Variants in CTNNA3 observed in about 807,000 individuals in gnomAD.
CTNNA3 encodes the protein catenin alpha-3.
CTNNA3 carries 76 observed loss-of-function variants against 95.7 expected under a neutral mutation model. That is an observed-to-expected ratio of 0.79 (90% CI 0.66 to 0.96). The LOEUF is 0.96. Ranked by LOEUF, CTNNA3 falls within the 40% of genes least tolerant of loss-of-function variation. CTNNA3 has a pLI of 0.00. For synonymous variants in CTNNA3, 431 were observed against 374.4 expected (o/e 1.15, Z -1.74); for missense variants, 1,191 against 1,089.8 (o/e 1.09, Z -1.31).
chr10:66,931,930 T>C (rs553769086), intron 7 of CTNNA3, among the ~76,000 whole-genome samples: 16 of 152,322 alleles, frequency 1.1e-4, no homozygotes, highest in Admixed American at 2.6e-4. Context: ...GCAAGATACA[T>C]GTAATTTAGG....
At chr10:66,521,720 CTG>C (rs1339094906) in intron 10 of CTNNA3, among the ~76,000 whole-genome samples, 1 of 152,156 alleles carries the variant, frequency 6.6e-6, no homozygotes, top group African/African-American at 2.4e-5. Flanking sequence ...TATCAAAAAA[CTG>C]TTGCCATAAC....
Position 66,368,418 on chromosome 10 carries a change from T to G in CTNNA3, c.1732+10734A>C, listed in dbSNP as rs183312042. ...GCTTTCTATCTTCTGGATCTTTTTT[T>G]TTTCCCTGTGATAATCCTACACCCA... On this transcript the variant is annotated intron_variant, in intron 12 of 17. Transcript: ENST00000433211. Among the ~76,000 whole-genome samples the G allele has an allele frequency of 2.0e-5, 3 of 152,106 alleles. No homozygotes were observed. The East Asian group carries it at 5.8e-4, about 30-fold the overall frequency.
At chr10:65,949,887 C>T (rs1479419283) in intron 17 of CTNNA3, among the ~76,000 whole-genome samples, 3 of 151,966 alleles carry the variant, frequency 2.0e-5, no homozygotes, top group African/African-American at 4.8e-5. Context: ...AATGGGCAAC[C>T]AGGTAAAGGG....
intron 7 of CTNNA3, among the ~76,000 whole-genome samples, chr10:67,058,092 G>A (rs576631233): frequency 1.4e-4 from 21 of 152,078 alleles, no homozygotes; most frequent in Non-Finnish European, 2.8e-4. Flanking sequence ...CTTGCATGCT[G>A]GTGTCTCTTC....
At chr10:67,317,964 T>C (rs1235780285) in intron 5 of CTNNA3, among the ~76,000 whole-genome samples, 2 of 151,928 alleles carry the variant, frequency 1.3e-5, no homozygotes, top group East Asian at 3.9e-4. Context: ...TGTTTGCATA[T>C]AATCATAATG....
intron 9 of CTNNA3, among the ~76,000 whole-genome samples, chr10:66,755,714 T>C (rs1839338235): frequency 6.6e-6 from 1 of 152,156 alleles, no homozygotes; most frequent in Non-Finnish European, 1.5e-5. Flanking sequence ...TAGAAATCTA[T>C]ACTCATTCCT....
At chr10:66,708,414 CA>C (rs1848187765) in intron 9 of CTNNA3, among the ~76,000 whole-genome samples, 1 of 152,006 alleles carries the variant, frequency 6.6e-6, no homozygotes, top group African/African-American at 2.4e-5. Context: ...TGAACTAACA[CA>C]CATTCCTGGA....
intron 12 of CTNNA3, among the ~76,000 whole-genome samples, chr10:66,287,320 C>G (rs190922275): frequency 6.6e-6 from 1 of 152,048 alleles, no homozygotes; most frequent in Non-Finnish European, 1.5e-5. Flanking sequence ...TTGTAAAGCT[C>G]CTATGTCTCT....
intron 17 of CTNNA3, among the ~76,000 whole-genome samples, chr10:65,949,512 G>A (rs1424120996): frequency 2.6e-5 from 4 of 152,134 alleles, no homozygotes; most frequent in Non-Finnish European, 5.9e-5. Context: ...CCCACAAAGA[G>A]AGCCTGAGAG....
chr10:66,541,047 C>T (rs1028304590), intron 10 of CTNNA3, among the ~76,000 whole-genome samples: 7 of 151,834 alleles, frequency 4.6e-5, no homozygotes, highest in Admixed American at 1.3e-4. Flanking sequence ...GTTTTTTTCT[C>T]TCAAAAAGAA....
intron 5 of CTNNA3, among the ~76,000 whole-genome samples, chr10:67,444,994 A>C (rs1473021971): frequency 1.3e-5 from 2 of 152,084 alleles, no homozygotes; most frequent in Non-Finnish European, 2.9e-5. Context: ...ACTACAATAT[A>C]GTTTATGAAG....
chr10:67,420,005 C>T (rs978354556), intron 5 of CTNNA3, among the ~76,000 whole-genome samples: 1 of 152,188 alleles, frequency 6.6e-6, no homozygotes, highest in African/African-American at 2.4e-5. Flanking sequence ...GTGCCCACCA[C>T]CATGCCCAGC....
chr10:66,714,342 T>G (rs575048936), intron 9 of CTNNA3, among the ~76,000 whole-genome samples: 3 of 152,192 alleles, frequency 2.0e-5, no homozygotes, highest in Non-Finnish European at 4.4e-5. Context: ...TTTCTCTCTT[T>G]CTCTAGATTA....
intron 9 of CTNNA3, among the ~76,000 whole-genome samples, chr10:66,741,529 G>T (rs4604771): frequency 0.61 from 92,830 of 151,886 alleles, 28,858 homozygotes; most frequent in East Asian, 0.94. Flanking sequence ...TTTTCAGAGC[G>T]GAAGAGACCT....
rs114857926 is a variant in CTNNA3, at chr10:66,644,896, C to A, written c.1282-23112G>T. ...TGCCTTTTTATAACTATATCCATCT[C>A]CCTCCTTCAAAATCCCACATCCTCC... On this transcript the variant is annotated intron_variant, in intron 9 of 17. Coordinates refer to ENST00000433211, the MANE Select transcript of CTNNA3 (RefSeq NM_013266.4). 6.2e-3 allele frequency among the ~76,000 whole-genome samples: 950 copies of A among 152,218 alleles called. 15 individuals carry two copies. Among genetic ancestry groups the A allele is most frequent in the African/African-American group, 0.021 (871 of 41,536 alleles).
At chr10:66,888,915 C>T (rs968683332) in intron 7 of CTNNA3, among the ~76,000 whole-genome samples, 9 of 152,192 alleles carry the variant, frequency 5.9e-5, no homozygotes, top group Non-Finnish European at 2.9e-5. Flanking sequence ...AAAACCTACA[C>T]ACGGATGTGT....
At chr10:67,599,698 G>A (rs1031119579) in intron 3 of CTNNA3, among the ~76,000 whole-genome samples, 1 of 152,036 alleles carries the variant, frequency 6.6e-6, no homozygotes, top group African/African-American at 2.4e-5. Context: ...AATACTTGGG[G>A]ACAAATTTAA....
intron 7 of CTNNA3, among the ~76,000 whole-genome samples, chr10:66,814,445 A>G (rs1842001799): frequency 2.0e-5 from 3 of 152,150 alleles, no homozygotes; most frequent in Admixed American, 6.5e-5. Context: ...ACAATATTTT[A>G]AAATGCAAAA....
chr10:66,272,186 T>C (rs930834846), intron 13 of CTNNA3, among the ~76,000 whole-genome samples: 4 of 152,168 alleles, frequency 2.6e-5, no homozygotes, highest in African/African-American at 9.7e-5. Context: ...ATCCCCCTGG[T>C]AGGTGGTTTC....
Sources: allele counts gnomAD v4.1 joint callset (sites outside exome capture counted in the v4.1 genomes callset), GRCh38; gene constraint gnomAD v4.1.1; transcripts MANE v1.5; gene names NCBI Gene and HGNC (gene_info 2026-07-23, HGNC 2026-07-21).